EVI2B: variants seen among roughly 807,000 people sequenced by gnomAD.
EVI2B encodes ecotropic viral integration site 2B.
EVI2B carries 4 observed loss-of-function variants against 6.6 expected under a neutral mutation model. The ratio of observed to expected loss-of-function variants is 0.61; its 90% CI spans 0.30 to 1.39. The LOEUF is 1.39. Among genes scored for constraint, EVI2B ranks in the 40% most tolerant of loss-of-function variants. EVI2B has a pLI of 0.08. For missense variants in EVI2B, 484 were observed against 516.6 expected, an observed-to-expected ratio of 0.94 and a Z score of 0.61; for synonymous variants, 181 against 186.8, an observed-to-expected ratio of 0.97 and a Z score of 0.25.
chr17:31,313,472 G>C (rs1313236720), intron 1 of EVI2B, among the ~76,000 whole-genome samples: 1 of 152,006 alleles, frequency 6.6e-6, no homozygotes, highest in Non-Finnish European at 1.5e-5. Flanking sequence ...GGGAGGCGGA[G>C]GTAAGCGGAT....
At chr17:31,307,553 G>A (rs1488891667) in intron 1 of EVI2B, among the ~76,000 whole-genome samples, 1 of 152,186 alleles carries the variant, frequency 6.6e-6, no homozygotes, top group Admixed American at 6.5e-5. Flanking sequence ...GCTAAAACTT[G>A]GAGAGTTAAG....
chr17:31,306,550 G>A (rs2068725670), intron 1 of EVI2B, among the ~76,000 whole-genome samples: 1 of 151,980 alleles, frequency 6.6e-6, no homozygotes, highest in Non-Finnish European at 1.5e-5. Flanking sequence ...AAGTTTCTTA[G>A]GCACAGAGTC....
intron 1 of EVI2B, 143 bp from the exon 2 acceptor site, chr17:31,305,773 C>T: frequency 1.4e-6 from 1 of 725,412 alleles, no homozygotes; most frequent in East Asian, 2.7e-5. Flanking sequence ...AGTTATTATT[C>T]CTAATTTAGA....
chr17:31,305,685 TTAAAAATTTGAC>T lies in EVI2B; in HGVS notation c.-21-67_-21-56del, dbSNP rs1488132653. On this transcript the variant is annotated intron_variant, in intron 1 of 1. Transcript: ENST00000330927. ...ACAGTTAGGCGTCATTGGTGTCTAG[TTAAAAATTTGAC>T]TTTTCATTATGATTCCTGGCATAAA... The T allele has an allele frequency of 8.1e-6, 12 of 1,483,836 alleles. No individual in the cohort carries two copies. The East Asian group carries it at 2.7e-4, about 34-fold the overall frequency. 91.9% of individuals were successfully genotyped at this position (1,483,836 alleles called of 1,614,324 possible). A position where few individuals can be genotyped will look rare whatever the true frequency, so the allele number is the denominator to read the frequency against.
In EVI2B at chr17:31,304,739, A is replaced by C; in HGVS notation, c.871T>G (p.Leu291Val). 1.9e-6 allele frequency: 3 copies of C among 1,614,160 alleles called. No homozygotes were observed. Among genetic ancestry groups the C allele is most frequent in the Non-Finnish European group, 2.5e-6 (3 of 1,180,026 alleles). Residue 291 changes from leucine (L) to valine (V), a missense_variant, in exon 2 of 2, where the codon TTG (leucine) becomes GTG (valine). By Grantham distance (32) the Leu-to-Val change is conservative. Transcript: ENST00000330927. ...TLLADDLEIK[L>V]FESSENIEDS... is the part of the protein sequence containing the mutation. ...TCAATGTTTTCACTTGATTCAAACA[A>C]CTTAATTTCTAAGTCATCTGCTAAA...
At position 31,305,412 on chromosome 17, in the gene EVI2B, A is replaced by G. The variant is rs749796377; in HGVS notation, c.198T>C (p.Phe66=). ...TGGCAGGTGATATTGATTGTCCAGAAAAAGTGTCGCTGAATTGTGTTGGTT... is the reference window on the plus strand; with the variant it reads ...TGGCAGGTGATATTGATTGTCCAGAGAAAGTGTCGCTGAATTGTGTTGGTT... The part of the protein sequence containing the change: ...LGQPTQFSDT[F]SGQSISPAKV... Residue 66 remains phenylalanine (F), a synonymous_variant, in exon 2 of 2, where the codon TTT becomes TTC. Transcript: ENST00000330927. The G allele has an allele frequency of 3.7e-6, 6 of 1,614,070 alleles. No homozygotes were observed. The East Asian group carries it at 6.7e-5, about 18-fold the overall frequency.
chr17:31,310,523 T>C (rs1268865063), intron 1 of EVI2B, among the ~76,000 whole-genome samples: 1 of 152,164 alleles, frequency 6.6e-6, no homozygotes, highest in Non-Finnish European at 1.5e-5. Flanking sequence ...AGGGAGACAG[T>C]AAAGAGGAGC....
In EVI2B at chr17:31,313,897, A is replaced by G; in HGVS notation, c.-22+82T>C. 7.6e-6 allele frequency: 3 copies of G among 395,548 alleles called. No homozygotes were observed. In the East Asian group the frequency reaches 1.1e-4, roughly 14 times the overall value. 24.5% of individuals were successfully genotyped at this position (395,548 alleles called of 1,614,324 possible). A position where few individuals can be genotyped will look rare whatever the true frequency, so the allele number is the denominator to read the frequency against. Reference sequence around the variant, plus strand: ...AGACATCTTTAGACTATCAGAGTTTAAGTTTAAAACACTAATGACAGTTTT... The same window carrying G: ...AGACATCTTTAGACTATCAGAGTTTGAGTTTAAAACACTAATGACAGTTTT... On this transcript the variant is annotated intron_variant, in intron 1 of 1. Transcript: ENST00000330927.
chr17:31,310,921 C>T (rs1287145191), intron 1 of EVI2B, among the ~76,000 whole-genome samples: 1 of 151,204 alleles, frequency 6.6e-6, no homozygotes, highest in Admixed American at 6.6e-5. Context: ...AGCAGGAGTC[C>T]CCGTGTATAA....
At position 31,305,635 on chromosome 17, in the gene EVI2B, A is replaced by T; in HGVS notation, c.-21-5T>A. The T allele has an allele frequency of 6.3e-7, 1 of 1,591,826 alleles. No homozygotes were observed. The highest frequency in any genetic ancestry group is 8.6e-7 in the Non-Finnish European group (1 of 1,168,990). ...TTCAGAATATTTCCTCGTTATCTAT[A>T]GCGGGTTTATAATGAAAGAGAAAGA... On this transcript the variant is annotated splice_region_variant and splice_polypyrimidine_tract_variant and intron_variant, in intron 1 of 1. Coordinates refer to ENST00000330927, the MANE Select transcript of EVI2B (RefSeq NM_006495.4).
intron 1 of EVI2B, among the ~76,000 whole-genome samples, chr17:31,309,994 C>A (rs1316821047): frequency 6.6e-6 from 1 of 151,894 alleles, no homozygotes; most frequent in Non-Finnish European, 1.5e-5. Context: ...TCAGTGTAGT[C>A]CAGAGAAGGA....
At chr17:31,307,862 G>T in intron 1 of EVI2B, 1 of 1,282,598 alleles carries the variant, frequency 7.8e-7, no homozygotes, top group Non-Finnish European at 1.0e-6. Flanking sequence ...CTGTTGGAAG[G>T]TGCAATAAAG....
chr17:31,305,005 G>T lies in EVI2B; in HGVS notation c.605C>A (p.Ser202Ter), dbSNP rs1597800660. 6.2e-7 allele frequency: 1 copy of T among 1,614,134 alleles called. No individual in the cohort carries two copies. Among genetic ancestry groups the T allele is most frequent in the South Asian group, 1.1e-5 (1 of 91,074 alleles). The change falls in exon 2 of 2, where the codon TCA becomes TAA. Residue 202 changes from serine (S) to a stop codon, truncating the protein, a stop_gained. Coordinates refer to ENST00000330927, the MANE Select transcript of EVI2B (RefSeq NM_006495.4). LOFTEE classifies it high-confidence loss of function. ...KQTPQKNNYN[S>*]IAAILIGVLL... The stretch of plus-strand genomic sequence containing the variant: ...TACACCAATTAGTATGGCAGCTATT[G>T]AATTATAATTGTTTTTTTGTGGGGT...
intron 1 of EVI2B, among the ~76,000 whole-genome samples, chr17:31,311,201 C>G (rs1466725365): frequency 6.6e-6 from 1 of 152,126 alleles, no homozygotes; most frequent in Non-Finnish European, 1.5e-5. Context: ...GACCCACCCA[C>G]CTTGGCCTCC....
intron 1 of EVI2B, among the ~76,000 whole-genome samples, chr17:31,310,196 G>A (rs1409732924): frequency 6.6e-6 from 1 of 151,900 alleles, no homozygotes; most frequent in Non-Finnish European, 1.5e-5. Context: ...TATTGGGCAG[G>A]GGAATAAAAA....
chr17:31,313,286 T>C (rs928675568), intron 1 of EVI2B, among the ~76,000 whole-genome samples: 1 of 152,224 alleles, frequency 6.6e-6, no homozygotes, highest in African/African-American at 2.4e-5. Flanking sequence ...ATTAGAACTT[T>C]TAACAATTAA....
At chr17:31,306,386 T>C (rs1414973160) in intron 1 of EVI2B, among the ~76,000 whole-genome samples, 1 of 152,178 alleles carries the variant, frequency 6.6e-6, no homozygotes, top group African/African-American at 2.4e-5. Context: ...GATTTTTCCA[T>C]ATTTTATATA....
In EVI2B at chr17:31,304,450, T is replaced by C; in HGVS notation, c.1160A>G (p.His387Arg). 3 of 1,614,182 alleles carry C rather than the reference T, an allele frequency of 1.9e-6. No individual in the cohort carries two copies. Among genetic ancestry groups the C allele is most frequent in the Non-Finnish European group, 2.5e-6 (3 of 1,180,012 alleles). The change falls in exon 2 of 2, where the codon CAT (histidine) becomes CGT (arginine). Residue 387 changes from histidine (H) to arginine (R), a missense_variant. Transcript: ENST00000330927. The part of the protein sequence containing the change: ...LDCLNQDCGD[H>R]KSEIIQSFPP... ...AAATGATTGTATTATCTCAGATTTATGATCTCCACAGTCTTGATTGAGACA... is the reference window on the plus strand; with the variant it reads ...AAATGATTGTATTATCTCAGATTTACGATCTCCACAGTCTTGATTGAGACA...
chr17:31,310,504 T>A (rs2151516080), intron 1 of EVI2B, among the ~76,000 whole-genome samples: 1 of 152,242 alleles, frequency 6.6e-6, no homozygotes, highest in Admixed American at 6.5e-5. Flanking sequence ...GGCCTGTGTT[T>A]GTGAGTGCAG....
Sources: gnomAD v4.1 joint callset for allele counts (sites outside exome capture counted in the v4.1 genomes callset) on GRCh38, gnomAD v4.1.1 for gene constraint, MANE v1.5 for transcripts, NCBI Gene and HGNC (gene_info 2026-07-23, HGNC 2026-07-21) for gene names.